TBC1D2: variants seen among roughly 807,000 people sequenced by gnomAD.
TBC1D2 encodes TBC1 domain family member 2A.
TBC1D2 carries 58 observed loss-of-function variants against 91.1 expected under a neutral mutation model. The observed-to-expected ratio is 0.64, with a 90% CI of 0.52 to 0.79. The LOEUF is 0.79. TBC1D2 is among the 30% of genes least tolerant of loss of function. The pLI, the probability that TBC1D2 is intolerant of heterozygous loss-of-function variation, is 0.00. For synonymous variants in TBC1D2, 482 were observed against 511.5 expected (o/e 0.94, Z 0.78); for missense variants, 1,080 against 1,208.3 (o/e 0.89, Z 1.57).
chr9:98,254,215 T>G (rs2131305078), intron 1 of TBC1D2, among the ~76,000 whole-genome samples: 1 of 152,330 alleles, frequency 6.6e-6, no homozygotes, highest in African/African-American at 2.4e-5. Flanking sequence ...TGGCACATTC[T>G]TCTCTGATGC....
chr9:98,242,596 C>T (rs1224786054), intron 3 of TBC1D2, among the ~76,000 whole-genome samples: 1 of 152,096 alleles, frequency 6.6e-6, no homozygotes, highest in Non-Finnish European at 1.5e-5. Flanking sequence ...CTTAAGACTG[C>T]CAAGCACAGT....
chr9:98,253,949 G>A (rs1172956551), intron 1 of TBC1D2, among the ~76,000 whole-genome samples: 1 of 152,234 alleles, frequency 6.6e-6, no homozygotes, highest in African/African-American at 2.4e-5. Context: ...TAAAGACCAT[G>A]TGTTGAAGAC....
intron 3 of TBC1D2, among the ~76,000 whole-genome samples, chr9:98,238,303 T>C (rs1472672628): frequency 1.5e-5 from 2 of 137,206 alleles, no homozygotes; most frequent in Non-Finnish European, 3.0e-5. Flanking sequence ...GCACACATTT[T>C]GCATCATTAT....
chr9:98,204,356 AACGCTGTGTG>A (rs1329986877), intron 9 of TBC1D2, among the ~76,000 whole-genome samples: 10 of 152,114 alleles, frequency 6.6e-5, no homozygotes, highest in Non-Finnish European at 2.9e-5. Flanking sequence ...GTGGTGACAA[AACGCTGTGTG>A]GCTGACTCTA....
intron 3 of TBC1D2, among the ~76,000 whole-genome samples, chr9:98,236,699 T>G (rs1829512578): frequency 6.6e-6 from 1 of 152,262 alleles, no homozygotes; most frequent in African/African-American, 2.4e-5. Context: ...ATGTTTATCT[T>G]ATCTCACAAA....
In TBC1D2 at chr9:98,217,447, C is replaced by G. The variant is rs545433645; in HGVS notation, c.1374+3386G>C. Reference sequence around the variant, plus strand: ...CTGGGCCAGTCCTTCTCCCTTGCCCCAGCTCAGCTGTCCCTGCCAGAAAAT... The same window carrying G: ...CTGGGCCAGTCCTTCTCCCTTGCCCGAGCTCAGCTGTCCCTGCCAGAAAAT... On this transcript the variant is annotated intron_variant, in intron 6 of 12. Transcript: ENST00000465784. 3.3e-5 allele frequency among the ~76,000 whole-genome samples: 5 copies of G among 152,336 alleles called. No individual in the cohort carries two copies. In the East Asian group the frequency reaches 9.7e-4, roughly 29 times the overall value.
chr9:98,231,555 G>T (rs1207549604), intron 4 of TBC1D2, among the ~76,000 whole-genome samples: 1 of 152,146 alleles, frequency 6.6e-6, no homozygotes, highest in African/African-American at 2.4e-5. Flanking sequence ...AAATGTATGT[G>T]TTCCAAGCAT....
In TBC1D2 at chr9:98,252,141, C is replaced by T. The variant is rs114066979; in HGVS notation, c.370-215G>A. Reference sequence around the variant, plus strand: ...CCTTAGCTGCTCTGGGCCTCAGTTTCCTCATCTGTACTCTGGTGACAATAA... The same window carrying T: ...CCTTAGCTGCTCTGGGCCTCAGTTTTCTCATCTGTACTCTGGTGACAATAA... On this transcript the variant is annotated intron_variant, in intron 1 of 12. Transcript: ENST00000465784. Among the ~76,000 whole-genome samples, 12 of 152,284 alleles carry T rather than the reference C, an allele frequency of 7.9e-5. No homozygotes were observed. The South Asian group carries it at 2.5e-3, about 32-fold the overall frequency.
intron 6 of TBC1D2, among the ~76,000 whole-genome samples, chr9:98,215,338 C>G (rs1828944800): frequency 6.6e-6 from 1 of 152,158 alleles, no homozygotes; most frequent in South Asian, 2.1e-4. Flanking sequence ...CGGCATCACC[C>G]CCATCACCAA....
chr9:98,252,058 G>T, intron 1 of TBC1D2, 132 bp from the exon 2 acceptor site: 3 of 1,171,048 alleles, frequency 2.6e-6, no homozygotes, highest in Non-Finnish European at 3.5e-6. Flanking sequence ...GTCACTGTAG[G>T]TATGTATGCT....
intron 9 of TBC1D2, among the ~76,000 whole-genome samples, chr9:98,207,471 C>G (rs918070534): frequency 1.3e-4 from 20 of 152,234 alleles, no homozygotes; most frequent in African/African-American, 4.6e-4. Flanking sequence ...GGGGAGATAG[C>G]CCTGTGAACC....
At chr9:98,230,740 C>T (rs1564250630) in intron 4 of TBC1D2, among the ~76,000 whole-genome samples, 1 of 151,852 alleles carries the variant, frequency 6.6e-6, no homozygotes, top group East Asian at 1.9e-4. Flanking sequence ...CGAGACCACC[C>T]GGCCAACATG....
At chr9:98,252,163 A>G (rs996358439) in intron 1 of TBC1D2, among the ~76,000 whole-genome samples, 8 of 152,208 alleles carry the variant, frequency 5.3e-5, no homozygotes, top group Admixed American at 2.6e-4. Context: ...TCTGGTGACA[A>G]TAAGTCTCAT....
chr9:98,210,917 CT>C, intron 7 of TBC1D2, 74 bp from the exon 8 acceptor site: 1 of 726,812 alleles, frequency 1.4e-6, no homozygotes, highest in Non-Finnish European at 2.0e-6. Context: ...GCCTGAACAG[CT>C]TTAGGCAGCA....
chr9:98,233,494 G>A lies in TBC1D2; in HGVS notation c.703C>T (p.Pro235Ser). The A allele has an allele frequency of 6.2e-7, 1 of 1,614,202 alleles. No individual in the cohort carries two copies. The highest frequency in any genetic ancestry group is 8.5e-7 in the Non-Finnish European group (1 of 1,180,020). The change falls in exon 4 of 13, where the codon CCT becomes TCT. Residue 235 changes from proline to serine, a missense_variant. Physicochemically the swap from Pro to Ser is moderately conservative, Grantham distance 74. Transcript: ENST00000465784. ...NKQAQGTGHE[P>S]PGEDSPQSGE... ...CTCTGTGGAGAATCTTCCCCTGGAG[G>A]TTCATGGCCTGTTCCCTGGGCCTGC...
At chr9:98,227,672 C>T (rs898153076) in intron 5 of TBC1D2, among the ~76,000 whole-genome samples, 1 of 151,684 alleles carries the variant, frequency 6.6e-6, no homozygotes, top group African/African-American at 2.4e-5. Context: ...ATCCCAGCTA[C>T]TTGGGAGGCT....
intron 3 of TBC1D2, among the ~76,000 whole-genome samples, chr9:98,239,611 G>C (rs1305075807): frequency 6.6e-6 from 1 of 152,130 alleles, no homozygotes; most frequent in Non-Finnish European, 1.5e-5. Context: ...GCCTTCATAA[G>C]GGATATTGGT....
rs964933390 is a variant in TBC1D2 at position 98,215,802 on chromosome 9, G to A, written c.1375-2584C>T. Among the ~76,000 whole-genome samples, 3 of 152,140 alleles carry A rather than the reference G, an allele frequency of 2.0e-5. No homozygotes were observed. In the East Asian group the frequency reaches 5.8e-4, roughly 29 times the overall value. ...ATTACAGGCATGAGCCACTGTGCCT[G>A]GCCAGGACTGTCTCATTCTAAAGCC... On this transcript the variant is annotated intron_variant, in intron 6 of 12. Coordinates refer to ENST00000465784, the MANE Select transcript of TBC1D2 (RefSeq NM_001267571.2).
chr9:98,224,974 G>A (rs796514776), intron 5 of TBC1D2, among the ~76,000 whole-genome samples: 41 of 152,304 alleles, frequency 2.7e-4, no homozygotes, highest in African/African-American at 9.4e-4. Context: ...TCCCCAAGCT[G>A]ACATGGCCAA....
Sources: gnomAD v4.1 joint callset for allele counts (sites outside exome capture counted in the v4.1 genomes callset) on GRCh38, gnomAD v4.1.1 for gene constraint, MANE v1.5 for transcripts, NCBI Gene and HGNC (gene_info 2026-07-23, HGNC 2026-07-21) for gene names.